The following ARHGEF10 variants were observed in gnomAD, a reference collection of about 807,000 sequenced individuals.
ARHGEF10 encodes Rho guanine nucleotide exchange factor (GEF) 10.
Under a neutral mutation model 147.4 loss-of-function variants are expected in ARHGEF10, and 140 were observed. That is an observed-to-expected ratio of 0.95 (90% confidence interval 0.83 to 1.09). The LOEUF is 1.09. Among genes scored for constraint, ARHGEF10 ranks in the 50% least tolerant of loss-of-function variants. The probability of loss-of-function intolerance (pLI) is 0.00; values close to 1 mark genes in which losing one functional copy is unlikely to be tolerated. For missense variants in ARHGEF10, 2,222 were observed against 1,752.7 expected (o/e 1.27, Z -4.78); for synonymous variants, 902 against 695.8 (o/e 1.30, Z -4.67).
intron 17 of ARHGEF10, among the ~76,000 whole-genome samples, chr8:1,908,887 C>A (rs1266015525): frequency 6.6e-6 from 1 of 152,048 alleles, no homozygotes; most frequent in East Asian, 1.9e-4. Context: ...TACAGTGTAG[C>A]CATAAAAGAA....
chr8:1,915,063 CTG>C (rs1408173610), intron 18 of ARHGEF10, among the ~76,000 whole-genome samples: 5 of 152,152 alleles, frequency 3.3e-5, no homozygotes, highest in African/African-American at 1.2e-4. Flanking sequence ...CCACCACTCT[CTG>C]TGTCCTGTGC....
chr8:1,947,989 G>T (rs374941453), intron 27 of ARHGEF10, among the ~76,000 whole-genome samples: 1 of 151,978 alleles, frequency 6.6e-6, no homozygotes. Context: ...TGCTCAGGTC[G>T]CAGGTTCTGG....
chr8:1,906,389 G>A (rs1163753964), intron 17 of ARHGEF10, among the ~76,000 whole-genome samples: 1 of 152,142 alleles, frequency 6.6e-6, no homozygotes, highest in Non-Finnish European at 1.5e-5. Context: ...TAAACATTTG[G>A]TAGCTTGAAG....
chr8:1,857,034 C>T (rs973419219), intron 2 of ARHGEF10, among the ~76,000 whole-genome samples: 15 of 152,318 alleles, frequency 9.8e-5, no homozygotes, highest in South Asian at 6.2e-4. Context: ...CGCCATCAGC[C>T]GTAACCCCGG....
chr8:1,902,951 G>T (rs1382742688), intron 15 of ARHGEF10, among the ~76,000 whole-genome samples: 1 of 152,204 alleles, frequency 6.6e-6, no homozygotes, highest in Non-Finnish European at 1.5e-5. Context: ...TCATCTGTCT[G>T]ACTCAACTTG....
chr8:1,903,679 A>G, intron 16 of ARHGEF10: 2 of 608,156 alleles, frequency 3.3e-6, no homozygotes, highest in Non-Finnish European at 5.8e-6. Context: ...AAAGAGATTC[A>G]TACATTCATT....
chr8:1,836,320 C>T lies in ARHGEF10; in HGVS notation c.-47-7033C>T, dbSNP rs555110738. 2.0e-5 allele frequency among the ~76,000 whole-genome samples: 3 copies of T among 152,260 alleles called. No individual in the cohort carries two copies. In the South Asian group the frequency reaches 6.2e-4, roughly 32 times the overall value. ...AGGTATGAGCTCATGCTGCACGCTC[C>T]TGGGGATAGAGTGTTTTGAAAGCGG... On this transcript the variant is annotated intron_variant, in intron 1 of 28. Coordinates refer to ENST00000349830, the MANE Select transcript of ARHGEF10 (RefSeq NM_014629.4).
In ARHGEF10 at chr8:1,923,758, C is replaced by G. The variant is rs1263380175; in HGVS notation, c.2388-16C>G. 1 of 1,614,020 alleles carries G rather than the reference C, an allele frequency of 6.2e-7. No individual in the cohort carries two copies. Among genetic ancestry groups the G allele is most frequent in the Non-Finnish European group, 8.5e-7 (1 of 1,179,976 alleles). On this transcript the variant is annotated splice_polypyrimidine_tract_variant and intron_variant, in intron 20 of 28. Transcript: ENST00000349830. ...CACGTTTTATAAAATGAATGCTTGTCTGTTGTTTCTGGCAGATCTGGGCGA... is the reference window on the plus strand; with the variant it reads ...CACGTTTTATAAAATGAATGCTTGTGTGTTGTTTCTGGCAGATCTGGGCGA...
rs528465451 is a variant in ARHGEF10 at position 1,827,932 on chromosome 8, T to C, written c.-48+3819T>C. Among the ~76,000 whole-genome samples the C allele has an allele frequency of 3.3e-5, 5 of 152,254 alleles. No individual in the cohort carries two copies. In the East Asian group the frequency reaches 5.8e-4, roughly 18 times the overall value. ...AGCATGCAGGTTGTTAACAGGCACA[T>C]GTAGAGATGCATGGCTGTCTGCGTA... On this transcript the variant is annotated intron_variant, in intron 1 of 28. Coordinates refer to ENST00000349830, the MANE Select transcript of ARHGEF10 (RefSeq NM_014629.4).
At chr8:1,853,729 T>G (rs1330833265) in intron 2 of ARHGEF10, among the ~76,000 whole-genome samples, 1 of 152,198 alleles carries the variant, frequency 6.6e-6, no homozygotes, top group Non-Finnish European at 1.5e-5. Context: ...AAGTCCCAGG[T>G]CAGGGTGCTG....
At chr8:1,855,590 A>G (rs962587967) in intron 2 of ARHGEF10, among the ~76,000 whole-genome samples, 4 of 150,580 alleles carry the variant, frequency 2.7e-5, no homozygotes, top group South Asian at 2.1e-4. Flanking sequence ...GGGTTTCACT[A>G]TGTTGTCCAG....
intron 4 of ARHGEF10, among the ~76,000 whole-genome samples, chr8:1,860,574 C>A (rs753268156): frequency 2.6e-5 from 4 of 152,164 alleles, no homozygotes; most frequent in Admixed American, 2.6e-4. Flanking sequence ...GGAAAATGAG[C>A]CCCTAGTTCA....
chr8:1,903,580 G>A lies in ARHGEF10; in HGVS notation c.1821+129G>A, dbSNP rs559661738. On this transcript the variant is annotated intron_variant, in intron 16 of 28. Coordinates refer to ENST00000349830, the MANE Select transcript of ARHGEF10 (RefSeq NM_014629.4). ...TTCCCTTCGCCCAGAGTTCTTAACC[G>A]GGGTGGATGGAGGCCTTCGGGAGAG... 2.2e-3 allele frequency: 2,779 copies of A among 1,250,556 alleles called. 11 individuals carry two copies. Among genetic ancestry groups the A allele is most frequent in the South Asian group, 2.9e-3 (225 of 77,142 alleles). 77.5% of individuals were successfully genotyped at this position (1,250,556 alleles called of 1,614,324 possible).
intron 28 of ARHGEF10, among the ~76,000 whole-genome samples, chr8:1,956,317 C>T (rs1815561425): frequency 6.6e-6 from 1 of 152,180 alleles, no homozygotes; most frequent in Non-Finnish European, 1.5e-5. Context: ...AAATGGCAGG[C>T]AGCCGGTAGT....
rs201522949 is a variant in ARHGEF10, at chr8:1,857,951, T to A, written c.38-9T>A. The A allele has an allele frequency of 3.7e-4, 593 of 1,594,906 alleles. 1 individual carries two copies. Among genetic ancestry groups the A allele is most frequent in the Middle Eastern group, 2.9e-3 (17 of 5,886 alleles). On this transcript the variant is annotated splice_polypyrimidine_tract_variant and intron_variant, in intron 2 of 28. Coordinates refer to ENST00000349830, the MANE Select transcript of ARHGEF10 (RefSeq NM_014629.4). ...CTCTCCTTGATGTGGTTTTGGTTTT[T>A]CTTTTTAGAAAATGAAATGAAATAT...
At chr8:1,912,122 A>C (rs536764324) in intron 18 of ARHGEF10, among the ~76,000 whole-genome samples, 8 of 152,274 alleles carry the variant, frequency 5.3e-5, no homozygotes, top group African/African-American at 1.9e-4. Context: ...TAACCACCTG[A>C]GACCAGTGAG....
chr8:1,923,443 A>T, intron 19 of ARHGEF10, 25 bp from the exon 20 acceptor site: 2 of 1,614,108 alleles, frequency 1.2e-6, no homozygotes, highest in African/African-American at 2.7e-5. Flanking sequence ...CACTTTTGAA[A>T]TGTGCGTATT....
chr8:1,899,254 G>A (rs1289012156), intron 15 of ARHGEF10, among the ~76,000 whole-genome samples: 3 of 152,206 alleles, frequency 2.0e-5, no homozygotes, highest in Admixed American at 6.5e-5. Flanking sequence ...AGGCTGCGGG[G>A]CTCAGCACCC....
At chr8:1,837,496 A>C (rs1344467733) in intron 1 of ARHGEF10, among the ~76,000 whole-genome samples, 2 of 152,146 alleles carry the variant, frequency 1.3e-5, no homozygotes, top group African/African-American at 4.8e-5. Flanking sequence ...AACAAATAGC[A>C]TGAATGAGAT....
Sources: allele counts gnomAD v4.1 joint callset (sites outside exome capture counted in the v4.1 genomes callset), GRCh38; gene constraint gnomAD v4.1.1; transcripts MANE v1.5; gene names NCBI Gene and HGNC (gene_info 2026-07-23, HGNC 2026-07-21).